Variants in ROBO2 observed in about 807,000 individuals in gnomAD.
The protein encoded by ROBO2 is roundabout guidance receptor 2.
A neutral mutation model predicts 160.8 loss-of-function variants in ROBO2; 53 were observed. The ratio of observed to expected loss-of-function variants is 0.33; its 90% CI spans 0.26 to 0.41. The LOEUF is 0.41. Ranked by LOEUF, ROBO2 falls within the 10% of genes least tolerant of loss-of-function variation. The probability of loss-of-function intolerance (pLI) is 1.00; values close to 1 mark genes in which losing one functional copy is unlikely to be tolerated. For missense variants in ROBO2, 1,577 were observed against 1,722.4 expected (o/e 0.92, Z 1.49); for synonymous variants, 664 against 611.7 (o/e 1.09, Z -1.26).
At chr3:76,393,262 G>T (rs2077246581) in intron 2 of ROBO2, among the ~76,000 whole-genome samples, 1 of 152,126 alleles carries the variant, frequency 6.6e-6, no homozygotes, top group African/African-American at 2.4e-5. Context: ...TTGAAATTGT[G>T]TCAGAGCTAC....
chr3:76,499,387 C>A (rs1286497754), intron 2 of ROBO2, among the ~76,000 whole-genome samples: 1 of 152,198 alleles, frequency 6.6e-6, no homozygotes, highest in African/African-American at 2.4e-5. Flanking sequence ...TTTGTTGACA[C>A]TCCTCAGCCC....
Position 77,011,446 on chromosome 3 carries a change from T to G in ROBO2, c.110-86568T>G, listed in dbSNP as rs73843404. ...TTACTTAAAATCCATCTCCAAACCT[T>G]TCACCCTGCTAAGTGCCATGGAGAA... On this transcript the variant is annotated intron_variant, in intron 2 of 26. Transcript: ENST00000487694. 3.5e-3 allele frequency among the ~76,000 whole-genome samples: 535 copies of G among 152,186 alleles called. 2 individuals carry two copies. The highest frequency in any genetic ancestry group is 0.012 in the African/African-American group (518 of 41,540).
intron 2 of ROBO2, among the ~76,000 whole-genome samples, chr3:77,027,292 G>T (rs1389809483): frequency 1.3e-5 from 2 of 152,110 alleles, no homozygotes; most frequent in African/African-American, 4.8e-5. Flanking sequence ...AGCAAAGTAG[G>T]TAAGAAGAAT....
chr3:77,375,187 G>T (rs2072456642), intron 2 of ROBO2, among the ~76,000 whole-genome samples: 1 of 152,240 alleles, frequency 6.6e-6, no homozygotes, highest in Non-Finnish European at 1.5e-5. Flanking sequence ...ACCCCAGCCT[G>T]GGAAACAGAG....
chr3:76,568,454 G>A (rs1025290712), intron 2 of ROBO2, among the ~76,000 whole-genome samples: 5 of 106,176 alleles, frequency 4.7e-5, no homozygotes, highest in African/African-American at 1.0e-4. Context: ...CTGCCACCAC[G>A]CCCAGATAAT....
upstream of ROBO2, among the ~76,000 whole-genome samples, chr3:77,034,968 CTT>C (rs746377936): frequency 1.3e-5 from 2 of 151,760 alleles, no homozygotes; most frequent in African/African-American, 2.4e-5. Context: ...AAAATAATAA[CTT>C]GATATCAGTA....
At chr3:75,939,992 A>G (rs1028803973) in intron 2 of ROBO2, among the ~76,000 whole-genome samples, 1 of 152,138 alleles carries the variant, frequency 6.6e-6, no homozygotes, top group Non-Finnish European at 1.5e-5. Flanking sequence ...GTATCAGTGA[A>G]GTGTGACTCC....
At chr3:76,503,797 G>A (rs189633883) in intron 2 of ROBO2, among the ~76,000 whole-genome samples, 1 of 152,282 alleles carries the variant, frequency 6.6e-6, no homozygotes, top group East Asian at 1.9e-4. Context: ...ATGGTGGGAG[G>A]TGAGGTTATA....
intron 2 of ROBO2, among the ~76,000 whole-genome samples, chr3:76,416,482 AT>A (rs2075763753): frequency 6.6e-6 from 1 of 152,182 alleles, no homozygotes; most frequent in Non-Finnish European, 1.5e-5. Flanking sequence ...CATAATTTAC[AT>A]TTTGACCATT....
chr3:76,852,970 A>T (rs1559603651), intron 2 of ROBO2, among the ~76,000 whole-genome samples: 1 of 152,160 alleles, frequency 6.6e-6, no homozygotes. Context: ...GATTGTGTAC[A>T]TTCAAAAAGA....
chr3:77,053,567 A>C (rs534465447), intron 1 of ROBO2, among the ~76,000 whole-genome samples: 1 of 152,302 alleles, frequency 6.6e-6, no homozygotes, highest in South Asian at 2.1e-4. Flanking sequence ...TGATGTCTCA[A>C]GATCAGCTTT....
At chr3:76,742,406 C>T (rs976238583) in intron 2 of ROBO2, among the ~76,000 whole-genome samples, 4 of 152,146 alleles carry the variant, frequency 2.6e-5, no homozygotes, top group Admixed American at 2.0e-4. Context: ...TTAACTACTC[C>T]ATTTGAAACT....
At chr3:76,248,030 T>G (rs1343536103) in intron 2 of ROBO2, among the ~76,000 whole-genome samples, 9 of 151,868 alleles carry the variant, frequency 5.9e-5, no homozygotes, top group Admixed American at 4.6e-4. Flanking sequence ...GGAACACTTT[T>G]ACACTGTTGG....
At chr3:76,302,675 A>G (rs887904000) in intron 2 of ROBO2, among the ~76,000 whole-genome samples, 2 of 152,104 alleles carry the variant, frequency 1.3e-5, no homozygotes, top group African/African-American at 4.8e-5. Context: ...CTAGTCCACT[A>G]ACTGGTGTAC....
At chr3:77,049,960 G>A (rs2065053327) in intron 1 of ROBO2, among the ~76,000 whole-genome samples, 2 of 152,124 alleles carry the variant, frequency 1.3e-5, no homozygotes, top group Admixed American at 6.5e-5. Context: ...TGAGTTAAGA[G>A]TTATTCATTA....
At chr3:76,673,327 C>T (rs1485829691) in intron 2 of ROBO2, among the ~76,000 whole-genome samples, 2 of 152,204 alleles carry the variant, frequency 1.3e-5, no homozygotes, top group Non-Finnish European at 2.9e-5. Context: ...AGTGTTAAAC[C>T]ACAGAGGGCT....
intron 2 of ROBO2, among the ~76,000 whole-genome samples, chr3:76,426,055 G>C (rs895630316): frequency 1.3e-5 from 2 of 152,174 alleles, no homozygotes; most frequent in African/African-American, 4.8e-5. Context: ...TCAAGTGTTT[G>C]TGTTTATGTG....
intron 2 of ROBO2, among the ~76,000 whole-genome samples, chr3:76,869,370 G>T (rs1487125504): frequency 1.8e-4 from 12 of 65,712 alleles, no homozygotes; most frequent in Admixed American, 4.0e-4. Context: ...TTTTTTTTGA[G>T]ACGGAGTCTG....
chr3:77,332,311 C>T (rs947204629), intron 2 of ROBO2, among the ~76,000 whole-genome samples: 3 of 152,250 alleles, frequency 2.0e-5, no homozygotes, highest in African/African-American at 7.2e-5. Context: ...TATGGCACAA[C>T]GCTGTGGTGA....
Sources: allele counts gnomAD v4.1 joint callset (sites outside exome capture counted in the v4.1 genomes callset), GRCh38; gene constraint gnomAD v4.1.1; transcripts MANE v1.5; gene names NCBI Gene and HGNC (gene_info 2026-07-23, HGNC 2026-07-21).